GPC5: variants seen among roughly 807,000 people sequenced by gnomAD.
GPC5 encodes the protein glypican 5.
GPC5 carries 47 observed loss-of-function variants against 53.9 expected under a neutral mutation model. The ratio of observed to expected loss-of-function variants is 0.87; its 90% confidence interval spans 0.69 to 1.11. GPC5 has a LOEUF of 1.11. GPC5 is among the 50% of genes most tolerant of loss of function. GPC5 has a pLI of 0.00. For missense variants in GPC5, 748 were observed against 713.1 expected (o/e 1.05, Z -0.56); for synonymous variants, 286 against 263.3 (o/e 1.09, Z -0.84).
chr13:92,679,971 A>C (rs1318425411), intron 7 of GPC5, among the ~76,000 whole-genome samples: 1 of 144,712 alleles, frequency 6.9e-6, no homozygotes, highest in African/African-American at 2.6e-5. Flanking sequence ...GCGATCTCTA[A>C]GGTAATAATG....
At chr13:91,823,263 A>G (rs1434717099) in intron 5 of GPC5, among the ~76,000 whole-genome samples, 1 of 152,068 alleles carries the variant, frequency 6.6e-6, no homozygotes, top group African/African-American at 2.4e-5. Context: ...CACTACCCCC[A>G]AACTGCCAAT....
intron 7 of GPC5, among the ~76,000 whole-genome samples, chr13:92,579,861 A>G (rs1883319489): frequency 1.3e-5 from 2 of 152,130 alleles, no homozygotes; most frequent in African/African-American, 4.8e-5. Flanking sequence ...TTTCTTTATC[A>G]TAAGCTAGCT....
At chr13:91,754,008 A>G (rs2037235311) in intron 4 of GPC5, among the ~76,000 whole-genome samples, 4 of 152,168 alleles carry the variant, frequency 2.6e-5, no homozygotes, top group Admixed American at 2.6e-4. Context: ...TTTTTGACCA[A>G]TAATTTATAG....
At chr13:91,777,301 T>A (rs1277389711) in intron 5 of GPC5, among the ~76,000 whole-genome samples, 2 of 152,242 alleles carry the variant, frequency 1.3e-5, no homozygotes, top group East Asian at 3.8e-4. Flanking sequence ...TTTCTTTCCC[T>A]TTTTTGAACT....
At chr13:91,535,889 A>G (rs1886569729) in intron 2 of GPC5, among the ~76,000 whole-genome samples, 1 of 152,326 alleles carries the variant, frequency 6.6e-6, no homozygotes. Context: ...ACTAATATGT[A>G]TACTAGTGCT....
intron 6 of GPC5, among the ~76,000 whole-genome samples, chr13:92,142,306 C>G (rs923002142): frequency 4.6e-5 from 7 of 152,140 alleles, no homozygotes; most frequent in Non-Finnish European, 7.4e-5. Flanking sequence ...TTGCAAAATT[C>G]CTTTTGTCAT....
chr13:92,487,572 T>A (rs1011157088), intron 7 of GPC5, among the ~76,000 whole-genome samples: 1 of 152,282 alleles, frequency 6.6e-6, no homozygotes, highest in Non-Finnish European at 1.5e-5. Context: ...TAGAAAACTT[T>A]CTGCATCCCA....
At chr13:91,843,374 A>C (rs1028655394) in intron 5 of GPC5, among the ~76,000 whole-genome samples, 1 of 152,216 alleles carries the variant, frequency 6.6e-6, no homozygotes, top group Admixed American at 6.5e-5. Flanking sequence ...TAGCCACAAA[A>C]GTAGTCAAGT....
At chr13:92,647,460 C>T (rs940967162) in intron 7 of GPC5, among the ~76,000 whole-genome samples, 1 of 152,062 alleles carries the variant, frequency 6.6e-6, no homozygotes, top group African/African-American at 2.4e-5. Context: ...TACATAGGCT[C>T]AGGAATAAAT....
intron 7 of GPC5, among the ~76,000 whole-genome samples, chr13:92,758,994 G>GTCT (rs778588944): frequency 2.1e-4 from 15 of 70,574 alleles, no homozygotes; most frequent in African/African-American, 6.8e-4. Context: ...TCCCATTGCG[G>GTCT]TTTTTTTTTT....
At chr13:92,097,033 TA>T (rs1327882137) in intron 6 of GPC5, among the ~76,000 whole-genome samples, 4 of 152,176 alleles carry the variant, frequency 2.6e-5, no homozygotes, top group Admixed American at 6.5e-5. Context: ...CTAAAGCACC[TA>T]AACAATTCCA....
chr13:91,852,237 T>A (rs189512377), intron 5 of GPC5, among the ~76,000 whole-genome samples: 78 of 151,744 alleles, frequency 5.1e-4, no homozygotes, highest in African/African-American at 1.9e-3. Context: ...AATTATTTTT[T>A]AATTATATTT....
intron 7 of GPC5, among the ~76,000 whole-genome samples, chr13:92,324,247 TAAC>T (rs1295891667): frequency 6.6e-6 from 1 of 151,976 alleles, no homozygotes; most frequent in African/African-American, 2.4e-5. Flanking sequence ...ATTAATATGT[TAAC>T]AAAAGCAGTA....
chr13:91,448,108 C>T (rs1323523571), intron 1 of GPC5, among the ~76,000 whole-genome samples: 1 of 152,200 alleles, frequency 6.6e-6, no homozygotes, highest in African/African-American at 2.4e-5. Flanking sequence ...ATGCAATATA[C>T]ATCTTCACAG....
intron 7 of GPC5, among the ~76,000 whole-genome samples, chr13:92,147,231 G>A (rs940925298): frequency 1.2e-4 from 18 of 151,900 alleles, no homozygotes; most frequent in African/African-American, 4.3e-4. Context: ...ATCTTCCACT[G>A]TATTTAGGAA....
intron 7 of GPC5, among the ~76,000 whole-genome samples, chr13:92,512,254 G>A (rs908966627): frequency 2.6e-5 from 4 of 151,684 alleles, no homozygotes; most frequent in African/African-American, 4.9e-5. Context: ...GTGTGTGCGC[G>A]CGCGCGCGCG....
chr13:91,400,718 G>A (rs1876874579), intron 1 of GPC5, among the ~76,000 whole-genome samples: 1 of 152,104 alleles, frequency 6.6e-6, no homozygotes, highest in Admixed American at 6.5e-5. Flanking sequence ...CTTCTCCCCA[G>A]TAAGGCCCTG....
At chr13:91,623,439 G>A (rs2033916263) in intron 2 of GPC5, among the ~76,000 whole-genome samples, 1 of 152,054 alleles carries the variant, frequency 6.6e-6, no homozygotes, top group Non-Finnish European at 1.5e-5. Context: ...GATTCCTGGG[G>A]GAGAGGAGGA....
intron 7 of GPC5, among the ~76,000 whole-genome samples, chr13:92,265,837 C>T (rs1244923420): frequency 2.0e-5 from 3 of 152,146 alleles, no homozygotes; most frequent in African/African-American, 7.2e-5. Context: ...TACAGTGAAC[C>T]AAAACTTACT....
Sources: allele counts gnomAD v4.1 joint callset (sites outside exome capture counted in the v4.1 genomes callset), GRCh38; gene constraint gnomAD v4.1.1; transcripts MANE v1.5; gene names NCBI Gene and HGNC (gene_info 2026-07-23, HGNC 2026-07-21).